MYT1L: variants seen among roughly 807,000 people sequenced by gnomAD.
MYT1L encodes the protein myelin transcription factor 1 like.
MYT1L carries 12 observed loss-of-function variants against 126.7 expected under a neutral mutation model. That is an observed-to-expected ratio of 0.09 (90% CI 0.06 to 0.15). MYT1L has a LOEUF of 0.15. Ranked by LOEUF, MYT1L falls within the 10% of genes least tolerant of loss-of-function variation. MYT1L has a pLI of 1.00. For synonymous variants in MYT1L, 541 were observed against 604.2 expected (o/e 0.90, Z 1.53); for missense variants, 979 against 1,585.2 (o/e 0.62, Z 6.49).
chr2:2,203,834 G>A (rs1255819937), intron 2 of MYT1L, among the ~76,000 whole-genome samples: 1 of 152,154 alleles, frequency 6.6e-6, no homozygotes, highest in Non-Finnish European at 1.5e-5. Flanking sequence ...CAAAGCTGGA[G>A]GCATCACACT....
chr2:2,157,058 C>A (rs1290221630), intron 3 of MYT1L, among the ~76,000 whole-genome samples: 1 of 152,102 alleles, frequency 6.6e-6, no homozygotes, highest in Non-Finnish European at 1.5e-5. Flanking sequence ...AAATAAGTGT[C>A]CTGCTGAAAT....
At chr2:1,977,693 T>C (rs538109320) in intron 8 of MYT1L, among the ~76,000 whole-genome samples, 3 of 152,312 alleles carry the variant, frequency 2.0e-5, no homozygotes, top group Admixed American at 6.5e-5. Context: ...AATAAACATT[T>C]TAAGAAACTT....
intron 2 of MYT1L, among the ~76,000 whole-genome samples, chr2:2,280,741 G>C (rs1249999837): frequency 6.6e-6 from 1 of 152,196 alleles, no homozygotes; most frequent in East Asian, 1.9e-4. Context: ...AGGTGGAGAG[G>C]AAGCTTCAAC....
chr2:1,819,756 G>A (rs1241072188), intron 21 of MYT1L, among the ~76,000 whole-genome samples: 2 of 152,236 alleles, frequency 1.3e-5, no homozygotes, highest in African/African-American at 4.8e-5. Flanking sequence ...AGAGGACAAG[G>A]AGCAGTGGAA....
chr2:2,318,768 T>C (rs2149673772), intron 1 of MYT1L, among the ~76,000 whole-genome samples: 1 of 152,326 alleles, frequency 6.6e-6, no homozygotes, highest in Non-Finnish European at 1.5e-5. Context: ...TTTTATTTCC[T>C]ATTATATACA....
chr2:2,315,134 G>C (rs2096044003), intron 1 of MYT1L, among the ~76,000 whole-genome samples: 1 of 152,176 alleles, frequency 6.6e-6, no homozygotes, highest in Non-Finnish European at 1.5e-5. Flanking sequence ...TTTTCTGTTA[G>C]TGTGTCAACT....
intron 2 of MYT1L, among the ~76,000 whole-genome samples, chr2:2,222,520 A>G (rs1451914733): frequency 6.6e-6 from 1 of 151,740 alleles, no homozygotes; most frequent in East Asian, 1.9e-4. Flanking sequence ...TTTTTTTGGT[A>G]TTTTATATTT....
At chr2:2,293,642 G>A (rs2095632053) in intron 1 of MYT1L, among the ~76,000 whole-genome samples, 1 of 152,174 alleles carries the variant, frequency 6.6e-6, no homozygotes. Flanking sequence ...TGGTGTGTCT[G>A]TGTCCCTTAG....
intron 3 of MYT1L, among the ~76,000 whole-genome samples, chr2:2,123,686 G>A (rs1359524720): frequency 6.6e-6 from 1 of 152,144 alleles, no homozygotes; most frequent in Admixed American, 6.5e-5. Context: ...GTGGAACTGT[G>A]AGCCAATTAA....
chr2:2,065,285 C>G (rs576077433), intron 3 of MYT1L, among the ~76,000 whole-genome samples: 1 of 152,196 alleles, frequency 6.6e-6, no homozygotes, highest in African/African-American at 2.4e-5. Context: ...CTATTCAAAT[C>G]AAAGATTAAA....
intron 3 of MYT1L, among the ~76,000 whole-genome samples, chr2:2,066,746 C>G (rs1203953298): frequency 6.6e-6 from 1 of 152,162 alleles, no homozygotes; most frequent in African/African-American, 2.4e-5. Context: ...TCCATCCTGT[C>G]CTCAGAAGAA....
intron 1 of MYT1L, among the ~76,000 whole-genome samples, chr2:2,310,328 T>C (rs1279856634): frequency 6.6e-6 from 1 of 151,948 alleles, no homozygotes; most frequent in Non-Finnish European, 1.5e-5. Context: ...ACTTATACTT[T>C]AGTACACTCT....
intron 5 of MYT1L, among the ~76,000 whole-genome samples, chr2:1,994,235 G>T (rs751439729): frequency 3.9e-5 from 6 of 152,024 alleles, no homozygotes; most frequent in Non-Finnish European, 5.9e-5. Context: ...TGTTCCTTCC[G>T]GTGCCCTCAC....
In MYT1L at chr2:1,817,671, G is replaced by C. The variant is rs534122682; in HGVS notation, c.3081-8504C>G. ...AGCGCGGCCCTGGGGGGTGGTGGCG[G>C]CCCTGGTGCGGTGACAGTGCCATCT... On this transcript the variant is annotated intron_variant, in intron 21 of 24. Transcript: ENST00000647738. Among the ~76,000 whole-genome samples, 25 of 152,300 alleles carry C rather than the reference G, an allele frequency of 1.6e-4. 1 individual carries two copies. In the South Asian group the frequency reaches 5.2e-3, roughly 32 times the overall value.
At chr2:2,140,677 GC>G (rs2083840650) in intron 3 of MYT1L, among the ~76,000 whole-genome samples, 2 of 151,842 alleles carry the variant, frequency 1.3e-5, no homozygotes, top group East Asian at 1.9e-4. Context: ...CTCATGATCC[GC>G]CGCCTCGGCC....
intron 18 of MYT1L, among the ~76,000 whole-genome samples, chr2:1,863,520 G>T (rs2044994523): frequency 6.6e-6 from 1 of 152,146 alleles, no homozygotes; most frequent in African/African-American, 2.4e-5. Context: ...CGCCACAGCA[G>T]TGTGACAGCC....
chr2:2,113,353 C>T (rs542446998), intron 3 of MYT1L, among the ~76,000 whole-genome samples: 66 of 152,278 alleles, frequency 4.3e-4, no homozygotes, highest in African/African-American at 1.6e-3. Flanking sequence ...ACAAAGCTGC[C>T]GTAGCAGGGC....
chr2:2,015,193 G>A (rs2064248656), intron 4 of MYT1L, among the ~76,000 whole-genome samples: 1 of 152,188 alleles, frequency 6.6e-6, no homozygotes, highest in South Asian at 2.1e-4. Context: ...AAGAGAATGG[G>A]TGCAAGGGCA....
At chr2:1,996,431 G>T (rs1307575021) in intron 5 of MYT1L, among the ~76,000 whole-genome samples, 5 of 149,396 alleles carry the variant, frequency 3.3e-5, no homozygotes, top group Admixed American at 1.3e-4. Context: ...GAGTATAGAT[G>T]GGCCGCCTTT....
Sources: allele counts gnomAD v4.1 joint callset (sites outside exome capture counted in the v4.1 genomes callset), GRCh38; gene constraint gnomAD v4.1.1; transcripts MANE v1.5; gene names NCBI Gene and HGNC (gene_info 2026-07-23, HGNC 2026-07-21).